COLGALT1: variants seen among roughly 807,000 people sequenced by gnomAD.
COLGALT1 encodes procollagen galactosyltransferase 1.
A neutral mutation model predicts 60.8 loss-of-function variants in COLGALT1; 43 were observed. The ratio of observed to expected loss-of-function variants is 0.71; its 90% CI spans 0.55 to 0.91. COLGALT1 has a LOEUF of 0.91. Among genes scored for constraint, COLGALT1 ranks in the 40% least tolerant of loss-of-function variants. The pLI, the probability that COLGALT1 is intolerant of heterozygous loss-of-function variation, is 0.00. For missense variants in COLGALT1, 845 were observed against 880.0 expected (o/e 0.96, Z 0.50); for synonymous variants, 369 against 374.2 (o/e 0.99, Z 0.16).
At chr19:17,569,522 C>G (rs1279667397) in intron 5 of COLGALT1, among the ~76,000 whole-genome samples, 1 of 151,882 alleles carries the variant, frequency 6.6e-6, no homozygotes, top group Non-Finnish European at 1.5e-5. Context: ...ACTGCAACCT[C>G]TGCCTCCTGG....
chr19:17,577,984 G>T lies in COLGALT1; in HGVS notation c.1161G>T (p.Ala387=). 2.5e-6 allele frequency: 4 copies of T among 1,611,352 alleles called. No homozygotes were observed. The highest frequency in any genetic ancestry group is 1.1e-5 in the South Asian group (1 of 90,780). ...GKAMNTSQVE[A]LGIQMLPGYR... is the part of the protein sequence containing the mutation. ...CCATGAACACCAGCCAGGTGGAGGC[G>T]CTGGGGATCCAGATGCTGCCTGGCT... The change falls in exon 9 of 12, where the codon GCG becomes GCT. Residue 387 remains alanine (A), a synonymous_variant. Transcript: ENST00000252599.
At position 17,560,482 on chromosome 19, in the gene COLGALT1, G is replaced by A; in HGVS notation, c.489+17G>A. On this transcript the variant is annotated intron_variant, in intron 3 of 11. Transcript: ENST00000252599. ...TACATCCTGGTAAGTTTCTCAGCCG[G>A]CCGGATATGGATCACAGGCAGGTCT... is the stretch of plus-strand genomic sequence containing the variant. 6.2e-7 allele frequency: 1 copy of A among 1,600,870 alleles called. No homozygotes were observed. The highest frequency in any genetic ancestry group is 1.1e-5 in the South Asian group (1 of 90,824).
In COLGALT1 at chr19:17,580,826, A is replaced by G; in HGVS notation, c.1522A>G (p.Lys508Glu). The G allele has an allele frequency of 6.2e-7, 1 of 1,613,672 alleles. No individual in the cohort carries two copies. The highest frequency in any genetic ancestry group is 8.5e-7 in the Non-Finnish European group (1 of 1,179,928). The stretch of plus-strand genomic sequence containing the variant: ...CGTGATCTCCCTGCAAGGCGCCCGC[A>G]AACTGCTGGCTGCTGAGCCGCTCTC... ...AYVISLQGARKLLAAEPLSKM... is the reference protein window; with the variant it reads ...AYVISLQGARELLAAEPLSKM... Residue 508 changes from lysine to glutamate, a missense_variant, in exon 11 of 12, where the codon AAA becomes GAA. Coordinates refer to ENST00000252599, the MANE Select transcript of COLGALT1 (RefSeq NM_024656.4).
chr19:17,561,465 C>CT (rs2144818348), intron 3 of COLGALT1, among the ~76,000 whole-genome samples: 1 of 151,542 alleles, frequency 6.6e-6, no homozygotes, highest in South Asian at 2.1e-4. Context: ...GGGTCAGGGG[C>CT]TGGGGGGTGG....
chr19:17,577,124 T>TG (rs1008009538), intron 6 of COLGALT1, 71 bp from the exon 7 acceptor site: 27 of 1,473,064 alleles, frequency 1.8e-5, no homozygotes, highest in Non-Finnish European at 2.2e-5. Context: ...ATGGAGTGGG[T>TG]GGGGAAAGCG....
At position 17,577,201 on chromosome 19, in the gene COLGALT1, A is replaced by G. The variant is rs1188697442; in HGVS notation, c.956A>G (p.His319Arg). The change falls in exon 7 of 12, where the codon CAC becomes CGC. Residue 319 changes from histidine to arginine, a missense_variant. His to Arg is a conservative substitution (Grantham distance 29). Coordinates refer to ENST00000252599, the MANE Select transcript of COLGALT1 (RefSeq NM_024656.4). ...MHVQLEVMVK[H>R]PPAEPSRFIS... ...CAACGTCTGTGCCCCACAGTGAAGC[A>G]CCCGCCCGCAGAGCCCTCCCGCTTC... 2 of 1,612,614 alleles carry G rather than the reference A, an allele frequency of 1.2e-6. No homozygotes were observed. The highest frequency in any genetic ancestry group is 3.3e-5 in the Admixed American group (2 of 59,878).
Position 17,559,294 on chromosome 19 carries a change from G to T in COLGALT1, c.261-17G>T. Reference sequence around the variant, plus strand: ...CTCAGTCTCCCCAAGTACGCTGCCTGTCCCCTCTCCCTGCAGGGTGGCTAC... The same window carrying T: ...CTCAGTCTCCCCAAGTACGCTGCCTTTCCCCTCTCCCTGCAGGGTGGCTAC... On this transcript the variant is annotated splice_polypyrimidine_tract_variant and intron_variant, in intron 1 of 11. Coordinates refer to ENST00000252599, the MANE Select transcript of COLGALT1 (RefSeq NM_024656.4). 1 of 1,543,924 alleles carries T rather than the reference G, an allele frequency of 6.5e-7. No homozygotes were observed. Among genetic ancestry groups the T allele is most frequent in the Middle Eastern group, 1.7e-4 (1 of 5,972 alleles).
intron 6 of COLGALT1, among the ~76,000 whole-genome samples, chr19:17,575,501 T>C (rs966358848): frequency 6.6e-6 from 1 of 152,190 alleles, no homozygotes; most frequent in Admixed American, 6.5e-5. Context: ...TGCCTCGGCC[T>C]CCCAAAGTGC....
At chr19:17,581,024 C>T (rs750628149) in intron 11 of COLGALT1, 119 bp downstream of exon 11, 12 of 1,398,996 alleles carry the variant, frequency 8.6e-6, no homozygotes, top group South Asian at 2.4e-5. Context: ...CTTCTCCCTC[C>T]GTTTGCCCCC....
intron 6 of COLGALT1, 189 bp from the exon 7 acceptor site, chr19:17,577,006 G>GGGGCCTGGGGTGTGGCCAGGGCTATC: frequency 1.6e-6 from 1 of 606,640 alleles, no homozygotes; most frequent in Non-Finnish European, 2.9e-6. Flanking sequence ...CCAGGGCTTT[G>GGGGCCTGGGGTGTGGCCAGGGCTATC]GGCTGCTGTG....
chr19:17,560,169 C>T (rs1040061385), intron 2 of COLGALT1, among the ~76,000 whole-genome samples, 179 bp from the exon 3 acceptor site: 4 of 152,144 alleles, frequency 2.6e-5, no homozygotes, highest in Non-Finnish European at 5.9e-5. Flanking sequence ...GCTGTACCTC[C>T]GGCCAGGAAC....
At chr19:17,559,158 T>TA (rs2076233264) in intron 1 of COLGALT1, among the ~76,000 whole-genome samples, 153 bp from the exon 2 acceptor site, 1 of 151,572 alleles carries the variant, frequency 6.6e-6, no homozygotes, top group South Asian at 2.1e-4. Context: ...AGACTCTGTC[T>TA]CAAAAAAAAA....
intron 1 of COLGALT1, among the ~76,000 whole-genome samples, chr19:17,559,027 G>A (rs538035694): frequency 1.5e-4 from 23 of 152,226 alleles, no homozygotes; most frequent in African/African-American, 4.3e-4. Context: ...CGGGTGTGGT[G>A]GCGGGCGCCT....
intron 6 of COLGALT1, 54 bp from the exon 7 acceptor site, chr19:17,577,139 GGA>G: frequency 6.4e-7 from 1 of 1,564,046 alleles, no homozygotes; most frequent in Non-Finnish European, 8.8e-7. Context: ...AAAGCGTGTT[GGA>G]GAGAGGCTGG....
In COLGALT1 at chr19:17,571,017, T is replaced by A. The variant is rs148829382; in HGVS notation, c.830-1466T>A. 3.5e-4 allele frequency among the ~76,000 whole-genome samples: 54 copies of A among 152,332 alleles called. 2 individuals are homozygous for A. The East Asian group carries it at 0.01, about 29-fold the overall frequency. Reference sequence around the variant, plus strand: ...CATTCATTTAAGTGTCGTCTGTAGCTGCTTTCAAGTGCCACAGGCAGAACA... The same window carrying A: ...CATTCATTTAAGTGTCGTCTGTAGCAGCTTTCAAGTGCCACAGGCAGAACA... On this transcript the variant is annotated intron_variant, in intron 5 of 11. Coordinates refer to ENST00000252599, the MANE Select transcript of COLGALT1 (RefSeq NM_024656.4).
At position 17,568,649 on chromosome 19, in the gene COLGALT1, T is replaced by G. The variant is rs2076294264; in HGVS notation, c.765T>G (p.Pro255=). Residue 255 remains proline (P), a synonymous_variant, in exon 5 of 12, where the codon CCT becomes CCG. Coordinates refer to ENST00000252599, the MANE Select transcript of COLGALT1 (RefSeq NM_024656.4). The part of the protein sequence containing the change: ...AASRNLAFYP[P]HPDYTWSFDD... ...CCAGGAACCTGGCCTTCTACCCACC[T>G]CACCCTGACTACACCTGGTCCTTTG... 1 of 1,614,016 alleles carries G rather than the reference T, an allele frequency of 6.2e-7. No homozygotes were observed. The highest frequency in any genetic ancestry group is 1.1e-5 in the South Asian group (1 of 91,090).
intron 8 of COLGALT1, 79 bp from the exon 9 acceptor site, chr19:17,577,878 G>T (rs199643302): frequency 6.4e-5 from 99 of 1,539,068 alleles, no homozygotes; most frequent in Non-Finnish European, 8.0e-5. Flanking sequence ...AACGCCGCAG[G>T]GGGTGGTGGA....
intron 3 of COLGALT1, among the ~76,000 whole-genome samples, chr19:17,564,801 A>G (rs926358421): frequency 6.6e-6 from 1 of 152,078 alleles, no homozygotes; most frequent in African/African-American, 2.4e-5. Flanking sequence ...GTTCACATAT[A>G]TATTTATTTG....
In COLGALT1 at chr19:17,579,615, TG is replaced by T. The variant is rs770482299; in HGVS notation, c.1394+11del. 1 of 1,121,848 alleles carries T rather than the reference TG, an allele frequency of 8.9e-7. No individual in the cohort carries two copies. Among genetic ancestry groups the T allele is most frequent in the Non-Finnish European group, 1.1e-6 (1 of 903,858 alleles). 69.5% of individuals were successfully genotyped at this position (1,121,848 alleles called of 1,614,324 possible). ...GGCCTGGACTGGGACCTCATGTGAG[TG>T]GGGGTCTGAGGATGGGGTGAAGCTG... On this transcript the variant is annotated splice_region_variant and intron_variant, in intron 10 of 11. Coordinates refer to ENST00000252599, the MANE Select transcript of COLGALT1 (RefSeq NM_024656.4).
Sources: allele counts gnomAD v4.1 joint callset (sites outside exome capture counted in the v4.1 genomes callset), GRCh38; gene constraint gnomAD v4.1.1; transcripts MANE v1.5; gene names NCBI Gene and HGNC (gene_info 2026-07-23, HGNC 2026-07-21).